Variants in KCNH1 observed in about 807,000 individuals in gnomAD.
KCNH1 encodes voltage-gated delayed rectifier potassium channel KCNH1.
Under a neutral mutation model 69.2 loss-of-function variants are expected in KCNH1, and 27 were observed. The observed-to-expected ratio is 0.39, with a 90% confidence interval of 0.29 to 0.54. KCNH1 has a LOEUF of 0.54. Among genes scored for constraint, KCNH1 ranks in the 20% least tolerant of loss-of-function variants. The pLI is 0.68. For synonymous variants in KCNH1, 456 were observed against 487.7 expected (o/e 0.93, Z 0.86); for missense variants, 798 against 1,261.6 (o/e 0.63, Z 5.57).
chr1:211,028,813 T>C (rs548206505), intron 5 of KCNH1, among the ~76,000 whole-genome samples: 1 of 152,060 alleles, frequency 6.6e-6, no homozygotes, highest in Non-Finnish European at 1.5e-5. Flanking sequence ...ATGGTTTTAA[T>C]AAATAATGGT....
chr1:210,987,699 G>C (rs1487566028), intron 6 of KCNH1, among the ~76,000 whole-genome samples: 1 of 152,204 alleles, frequency 6.6e-6, no homozygotes, highest in African/African-American at 2.4e-5. Context: ...CCCTACTGGG[G>C]GGTGCCTCCC....
At chr1:210,875,947 T>C (rs982601960) in intron 7 of KCNH1, among the ~76,000 whole-genome samples, 1 of 152,128 alleles carries the variant, frequency 6.6e-6, no homozygotes, top group African/African-American at 2.4e-5. Flanking sequence ...AGAGCATTTA[T>C]GGAGAAAGTT....
chr1:211,014,030 C>T (rs1055271300), intron 6 of KCNH1, among the ~76,000 whole-genome samples: 7 of 152,188 alleles, frequency 4.6e-5, no homozygotes, highest in African/African-American at 1.7e-4. Flanking sequence ...GTGTCAGCTG[C>T]ATCACTGGCA....
chr1:210,912,364 C>A (rs1235327919), intron 7 of KCNH1, among the ~76,000 whole-genome samples: 3 of 152,128 alleles, frequency 2.0e-5, no homozygotes, highest in African/African-American at 7.2e-5. Flanking sequence ...TACTTTAGGG[C>A]TTCCCTTAAC....
At chr1:210,806,385 C>T (rs1185865406) in intron 7 of KCNH1, among the ~76,000 whole-genome samples, 3 of 145,046 alleles carry the variant, frequency 2.1e-5, no homozygotes, top group South Asian at 2.4e-4. Context: ...AAATCTTTGC[C>T]CATTTTTCAA....
At chr1:210,798,141 G>A (rs1185532574) in intron 8 of KCNH1, among the ~76,000 whole-genome samples, 5 of 150,950 alleles carry the variant, frequency 3.3e-5, no homozygotes, top group African/African-American at 4.9e-5. Flanking sequence ...CCAGGTTCAC[G>A]CCATCCTCCT....
intron 6 of KCNH1, among the ~76,000 whole-genome samples, chr1:210,977,528 T>C (rs897229955): frequency 3.3e-5 from 5 of 152,196 alleles, no homozygotes; most frequent in African/African-American, 1.2e-4. Flanking sequence ...TTCTACTCTC[T>C]GCTTCTGTAA....
chr1:210,807,861 G>A (rs762402024), intron 7 of KCNH1, among the ~76,000 whole-genome samples: 1 of 152,148 alleles, frequency 6.6e-6, no homozygotes, highest in African/African-American at 2.4e-5. Context: ...AAAAATAAGA[G>A]AGAAATGCAT....
intron 9 of KCNH1, among the ~76,000 whole-genome samples, chr1:210,790,588 T>C (rs1035807768): frequency 2.0e-5 from 3 of 152,256 alleles, no homozygotes; most frequent in Non-Finnish European, 2.9e-5. Context: ...CTCATGAGCA[T>C]ATCCCATGAA....
chr1:210,993,304 T>C (rs1338083008), intron 6 of KCNH1, among the ~76,000 whole-genome samples: 1 of 152,240 alleles, frequency 6.6e-6, no homozygotes. Flanking sequence ...TTTCTCATTC[T>C]ACCGAAAAGG....
intron 7 of KCNH1, chr1:210,858,967 C>T (rs1005255006): frequency 4.0e-6 from 2 of 498,504 alleles, no homozygotes; most frequent in Non-Finnish European, 7.1e-6. Context: ...CCAATCCCCC[C>T]CACCCCCAAA....
rs116865885 is a variant in KCNH1 at position 210,903,842 on chromosome 1, A to C, written c.1462+15798T>G. Among the ~76,000 whole-genome samples, 122 of 152,284 alleles carry C rather than the reference A, an allele frequency of 8.0e-4. 3 individuals carry two copies. In the East Asian group the frequency reaches 0.019, roughly 24 times the overall value. ...TTACTTTACCTATCATCAGGTGGTA[A>C]AACAGAGGCATAGAAAAGCAAAATT... On this transcript the variant is annotated intron_variant, in intron 7 of 10. Transcript: ENST00000271751.
intron 4 of KCNH1, among the ~76,000 whole-genome samples, chr1:211,090,221 C>A (rs1201900323): frequency 6.6e-6 from 1 of 152,200 alleles, no homozygotes; most frequent in African/African-American, 2.4e-5. Context: ...TAGCCATAGA[C>A]CACCTCATTG....
intron 5 of KCNH1, among the ~76,000 whole-genome samples, chr1:211,047,859 GA>G (rs555632305): frequency 0.023 from 3,317 of 144,148 alleles, 53 homozygotes; most frequent in South Asian, 0.042. Flanking sequence ...AATCCGCAAG[GA>G]AAAAAAAAAT....
At position 210,679,892 on chromosome 1, in the gene KCNH1, C is replaced by T. The variant is rs1472868289; in HGVS notation, c.*3389G>A. ...CAGCTTTTTAAATACTTGGGCTATC[C>T]TGTAGCATTAATGTTGTAACCTTAT... On this transcript the variant is annotated 3_prime_UTR_variant, in exon 11 of 11. Coordinates refer to ENST00000271751, the MANE Select transcript of KCNH1 (RefSeq NM_172362.3). The T allele has an allele frequency of 1.3e-5, 2 of 152,100 alleles. No individual in the cohort carries two copies. Among genetic ancestry groups the T allele is most frequent in the East Asian group, 3.8e-4 (2 of 5,200 alleles). The allele number at this position is 152,100 out of a possible 1,614,324, so 9.4% of individuals were successfully genotyped here. A position where few individuals can be genotyped will look rare whatever the true frequency, so the allele number is the denominator to read the frequency against.
At chr1:210,957,407 A>C (rs1399459875) in intron 6 of KCNH1, among the ~76,000 whole-genome samples, 1 of 152,100 alleles carries the variant, frequency 6.6e-6, no homozygotes, top group Non-Finnish European at 1.5e-5. Context: ...TGGGGTGGAG[A>C]GTTCTGTAGA....
Position 210,683,692 on chromosome 1 carries a change from C to T in KCNH1, c.2559G>A (p.Val853=). The change falls in exon 11 of 11, where the codon GTG becomes GTA. Residue 853 remains valine, a synonymous_variant. Transcript: ENST00000271751. This position sits in a 1 kb window ranked among gnomAD's most constrained non-coding sequence, Gnocchi z 5.7. ...ACGKSEDWNK[V]SKAESMETLP... ...GTGTCTCCATCGACTCAGCCTTGGACACCTTGTTCCAGTCCTCACTCTTCC... is the reference window on the plus strand; with the variant it reads ...GTGTCTCCATCGACTCAGCCTTGGATACCTTGTTCCAGTCCTCACTCTTCC... 6.2e-7 allele frequency: 1 copy of T among 1,614,230 alleles called. No homozygotes were observed. Among genetic ancestry groups the T allele is most frequent in the Non-Finnish European group, 8.5e-7 (1 of 1,180,052 alleles).
At chr1:210,745,700 C>T (rs368218271) in intron 10 of KCNH1, among the ~76,000 whole-genome samples, 5 of 152,186 alleles carry the variant, frequency 3.3e-5, no homozygotes, top group Admixed American at 1.3e-4. Flanking sequence ...CCCACCCGCC[C>T]CCAAGCAGTG....
At chr1:210,991,658 G>GA (rs370130524) in intron 6 of KCNH1, among the ~76,000 whole-genome samples, 1 of 148,002 alleles carries the variant, frequency 6.8e-6, no homozygotes, top group Non-Finnish European at 1.5e-5. Flanking sequence ...ATACACACCA[G>GA]AAAAAAAAGG....
Sources: gnomAD v4.1 joint callset for allele counts (sites outside exome capture counted in the v4.1 genomes callset) on GRCh38, gnomAD v4.1.1 for gene constraint, Gnocchi (gnomAD v3.1) non-coding constraint, MANE v1.5 for transcripts, NCBI Gene and HGNC (gene_info 2026-07-23, HGNC 2026-07-21) for gene names.